The following CLSTN2 variants were observed in gnomAD, a reference collection of about 807,000 sequenced individuals.
The protein encoded by CLSTN2 is calsyntenin 2.
Under a neutral mutation model 101.2 loss-of-function variants are expected in CLSTN2, and 48 were observed. That is an observed-to-expected ratio of 0.47 (90% CI 0.38 to 0.60). CLSTN2 has a LOEUF of 0.60. Among genes scored for constraint, CLSTN2 ranks in the 20% least tolerant of loss-of-function variants. CLSTN2 has a pLI of 0.00. For missense variants in CLSTN2, 1,160 were observed against 1,238.2 expected (o/e 0.94, Z 0.95); for synonymous variants, 481 against 463.6 (o/e 1.04, Z -0.48).
At chr3:140,369,436 A>G (rs912204231) in intron 2 of CLSTN2, among the ~76,000 whole-genome samples, 3 of 152,214 alleles carry the variant, frequency 2.0e-5, no homozygotes, top group African/African-American at 7.2e-5. Flanking sequence ...ATCACAAATT[A>G]AACCTGGGAT....
At chr3:140,553,718 T>C (rs1006925253) in intron 10 of CLSTN2, among the ~76,000 whole-genome samples, 1 of 152,116 alleles carries the variant, frequency 6.6e-6, no homozygotes, top group Non-Finnish European at 1.5e-5. Context: ...TCTTTCAGGA[T>C]CTTTCACTGC....
At chr3:140,153,157 A>T (rs1342903488) in intron 1 of CLSTN2, among the ~76,000 whole-genome samples, 1 of 152,220 alleles carries the variant, frequency 6.6e-6, no homozygotes, top group South Asian at 2.1e-4. Context: ...GTCCTGGTAC[A>T]TGTCCCCTGC....
chr3:140,072,630 A>G (rs73226932), intron 1 of CLSTN2, among the ~76,000 whole-genome samples: 3,316 of 152,312 alleles, frequency 0.022, 60 homozygotes, highest in Non-Finnish European at 0.035. Flanking sequence ...TCAAAATTGT[A>G]TTAATACATT....
chr3:140,186,405 G>A (rs1277077314), intron 2 of CLSTN2, among the ~76,000 whole-genome samples: 1 of 152,098 alleles, frequency 6.6e-6, no homozygotes, highest in Non-Finnish European at 1.5e-5. Context: ...TGGGAATTTG[G>A]GGCCTCTGAA....
At chr3:140,523,095 C>T (rs1445144625) in intron 8 of CLSTN2, among the ~76,000 whole-genome samples, 3 of 151,976 alleles carry the variant, frequency 2.0e-5, no homozygotes, top group Non-Finnish European at 2.9e-5. Context: ...AGGATTTCTA[C>T]GGCATGTGAA....
chr3:140,254,280 C>T (rs1357243453), intron 2 of CLSTN2, among the ~76,000 whole-genome samples: 1 of 152,002 alleles, frequency 6.6e-6, no homozygotes, highest in East Asian at 1.9e-4. Flanking sequence ...GGATTCTGCA[C>T]CAGAGAAAGT....
chr3:140,310,378 A>T (rs1346851120), intron 2 of CLSTN2, among the ~76,000 whole-genome samples: 19 of 150,830 alleles, frequency 1.3e-4, no homozygotes, highest in Admixed American at 1.3e-3. Flanking sequence ...AGGCTCAGAC[A>T]CTCATTTGGT....
At chr3:140,394,012 G>A (rs1192494576) in intron 2 of CLSTN2, among the ~76,000 whole-genome samples, 1 of 152,176 alleles carries the variant, frequency 6.6e-6, no homozygotes, top group African/African-American at 2.4e-5. Flanking sequence ...CAGGAGGGCT[G>A]GGAGTCTGTA....
chr3:139,981,634 G>T (rs151035313), intron 1 of CLSTN2, among the ~76,000 whole-genome samples: 5 of 152,330 alleles, frequency 3.3e-5, no homozygotes, highest in African/African-American at 1.2e-4. Context: ...GGAACAAAAA[G>T]AGTTCAGGCG....
chr3:140,115,309 C>T (rs895180639), intron 1 of CLSTN2, among the ~76,000 whole-genome samples: 2 of 151,658 alleles, frequency 1.3e-5, no homozygotes, highest in Admixed American at 6.6e-5. Context: ...TTAAAAGATA[C>T]ATAGATTTTT....
chr3:140,257,363 T>C (rs938212071), intron 2 of CLSTN2, among the ~76,000 whole-genome samples: 1 of 152,202 alleles, frequency 6.6e-6, no homozygotes, highest in Non-Finnish European at 1.5e-5. Flanking sequence ...CCTGCCCATG[T>C]AATGAAAAAA....
At chr3:140,443,565 C>T (rs192435634) in intron 5 of CLSTN2, among the ~76,000 whole-genome samples, 6 of 152,296 alleles carry the variant, frequency 3.9e-5, no homozygotes, top group Admixed American at 1.3e-4. Context: ...GTAATTTAGG[C>T]CCAATTATTA....
At chr3:140,103,408 T>C (rs1426543932) in intron 1 of CLSTN2, among the ~76,000 whole-genome samples, 1 of 152,148 alleles carries the variant, frequency 6.6e-6, no homozygotes, top group Non-Finnish European at 1.5e-5. Flanking sequence ...AGGAAGCATT[T>C]TTTCTCTCAA....
chr3:140,480,932 C>A (rs979895079), intron 8 of CLSTN2, among the ~76,000 whole-genome samples: 1 of 152,136 alleles, frequency 6.6e-6, no homozygotes, highest in Non-Finnish European at 1.5e-5. Context: ...TTTTGCTGTG[C>A]AGAAGCTCTT....
chr3:140,191,431 G>A (rs2010564835), intron 2 of CLSTN2, among the ~76,000 whole-genome samples: 1 of 151,890 alleles, frequency 6.6e-6, no homozygotes, highest in Non-Finnish European at 1.5e-5. Flanking sequence ...AAGTGAATTG[G>A]GAAGTGTCCC....
intron 2 of CLSTN2, among the ~76,000 whole-genome samples, chr3:140,358,325 G>A (rs544770096): frequency 4.0e-4 from 61 of 152,192 alleles, no homozygotes; most frequent in Non-Finnish European, 7.2e-4. Flanking sequence ...CTCTGGTCCC[G>A]GTGTGTGGCT....
intron 2 of CLSTN2, among the ~76,000 whole-genome samples, chr3:140,228,952 G>T (rs2086347667): frequency 6.6e-6 from 1 of 152,178 alleles, no homozygotes; most frequent in Non-Finnish European, 1.5e-5. Flanking sequence ...ATCAGCTGGA[G>T]ATTAAAGTTG....
In CLSTN2 at chr3:140,421,223, G is replaced by A. The variant is rs529435728; in HGVS notation, c.736G>A (p.Asp246Asn). The A allele has an allele frequency of 3.7e-6, 6 of 1,614,178 alleles. No individual in the cohort carries two copies. In the Middle Eastern group the frequency reaches 9.9e-4, roughly 266 times the overall value. Residue 246 changes from aspartate (D) to asparagine (N), a missense_variant, in exon 5 of 17, where the codon GAC (aspartate) becomes AAC (asparagine). Coordinates refer to ENST00000458420, the MANE Select transcript of CLSTN2 (RefSeq NM_022131.3). The part of the protein sequence containing the change: ...YDCGQKPAAQ[D>N]TLVQVDVKPV... Reference sequence around the variant, plus strand: ...CTGTGGACAGAAGCCCGCTGCTCAGGACACCCTGGTGCAGGTGGATGTGAA... The same window carrying A: ...CTGTGGACAGAAGCCCGCTGCTCAGAACACCCTGGTGCAGGTGGATGTGAA...
intron 15 of CLSTN2, 55 bp from the exon 16 acceptor site, chr3:140,563,906 A>G: frequency 1.3e-6 from 2 of 1,567,802 alleles, no homozygotes; most frequent in South Asian, 1.1e-5. Flanking sequence ...GCTCCCTCAC[A>G]AGAATGAGCT....
Sources: gnomAD v4.1 joint callset for allele counts (sites outside exome capture counted in the v4.1 genomes callset) on GRCh38, gnomAD v4.1.1 for gene constraint, MANE v1.5 for transcripts, NCBI Gene and HGNC (gene_info 2026-07-23, HGNC 2026-07-21) for gene names.